MERTK: variants seen among roughly 807,000 people sequenced by gnomAD.
The protein encoded by MERTK is tyrosine-protein kinase Mer.
A neutral mutation model predicts 99.3 loss-of-function variants in MERTK; 69 were observed. The observed-to-expected ratio is 0.70, with a 90% confidence interval of 0.57 to 0.85. The LOEUF (loss-of-function observed/expected upper bound fraction) is 0.85. Ranked by LOEUF, MERTK falls within the 40% of genes least tolerant of loss-of-function variation. MERTK has a pLI of 0.00. For synonymous variants in MERTK, 426 were observed against 467.6 expected (o/e 0.91, Z 1.15); for missense variants, 1,125 against 1,249.4 (o/e 0.90, Z 1.50).
chr2:111,913,646 C>T (rs1684292201), intron 1 of MERTK, among the ~76,000 whole-genome samples: 2 of 152,182 alleles, frequency 1.3e-5, no homozygotes, highest in Admixed American at 6.5e-5. Context: ...AGGGCTCAAG[C>T]GATTCTTGTG....
At chr2:112,018,602 G>T (rs535663763) in intron 15 of MERTK, among the ~76,000 whole-genome samples, 1 of 152,274 alleles carries the variant, frequency 6.6e-6, no homozygotes, top group East Asian at 1.9e-4. Context: ...GTACATAATG[G>T]ATGGACCCAT....
intron 7 of MERTK, among the ~76,000 whole-genome samples, chr2:111,975,991 G>A (rs1676239649): frequency 6.6e-6 from 1 of 151,244 alleles, no homozygotes; most frequent in African/African-American, 2.4e-5. Context: ...TCACAAGTCT[G>A]GGCCTCTGGA....
At chr2:111,954,701 T>C (rs1006821605) in intron 4 of MERTK, among the ~76,000 whole-genome samples, 3 of 152,180 alleles carry the variant, frequency 2.0e-5, no homozygotes, top group Non-Finnish European at 4.4e-5. Flanking sequence ...CAGCTGGTCC[T>C]GTAAAATTAA....
At chr2:111,974,675 A>T (rs1227741371) in intron 6 of MERTK, among the ~76,000 whole-genome samples, 1 of 144,392 alleles carries the variant, frequency 6.9e-6, no homozygotes, top group Non-Finnish European at 1.5e-5. Flanking sequence ...AGACTGAGGC[A>T]GGAGAATTGC....
chr2:111,990,664 T>A (rs943527860), intron 8 of MERTK, among the ~76,000 whole-genome samples: 18 of 152,180 alleles, frequency 1.2e-4, no homozygotes, highest in African/African-American at 3.4e-4. Context: ...TGTTTCAGAT[T>A]GTGGATTCTT....
At chr2:111,923,082 G>A (rs1216995518) in intron 1 of MERTK, among the ~76,000 whole-genome samples, 3 of 152,116 alleles carry the variant, frequency 2.0e-5, no homozygotes, top group East Asian at 1.9e-4. Flanking sequence ...TCTCTTCCCT[G>A]CTCACCCTTC....
At chr2:111,935,844 A>G (rs1031085594) in intron 2 of MERTK, among the ~76,000 whole-genome samples, 5 of 152,150 alleles carry the variant, frequency 3.3e-5, no homozygotes, top group African/African-American at 1.2e-4. Context: ...CTTTTATTGC[A>G]TAGATGATTA....
chr2:111,944,614 C>T (rs112977309), intron 2 of MERTK, among the ~76,000 whole-genome samples: 518 of 2,956 alleles, frequency 0.18, 3 homozygotes, highest in African/African-American at 0.21. Flanking sequence ...ATGTTGCAGT[C>T]TTGAGTCCTC....
intron 8 of MERTK, among the ~76,000 whole-genome samples, chr2:111,993,906 G>A (rs935668973): frequency 1.3e-5 from 2 of 152,186 alleles, no homozygotes; most frequent in Non-Finnish European, 2.9e-5. Flanking sequence ...ATTGTGCTGT[G>A]GGTGGTTCTG....
rs1573629517 is a variant in MERTK, at chr2:111,997,493, A to G, written c.1604+17A>G. 1 of 1,612,278 alleles carries G rather than the reference A, an allele frequency of 6.2e-7. No individual in the cohort carries two copies. The highest frequency in any genetic ancestry group is 8.5e-7 in the Non-Finnish European group (1 of 1,179,930). On this transcript the variant is annotated intron_variant, in intron 10 of 18. Coordinates refer to ENST00000295408, the MANE Select transcript of MERTK (RefSeq NM_006343.3). ...AAAGTTTGGGTAAGTCTCCCAGCTA[A>G]AAATGTTTGCCCACTGGTATTGACA...
intron 16 of MERTK, among the ~76,000 whole-genome samples, chr2:112,020,441 G>A (rs1475346901): frequency 6.6e-6 from 1 of 152,096 alleles, no homozygotes; most frequent in East Asian, 1.9e-4. Context: ...AGCAAACAGG[G>A]ACAAGTTAGT....
chr2:111,942,052 C>T (rs899654957), intron 2 of MERTK, among the ~76,000 whole-genome samples: 3 of 151,754 alleles, frequency 2.0e-5, no homozygotes, highest in African/African-American at 7.3e-5. Flanking sequence ...TCCCCTCAGG[C>T]TGCCTTCCTG....
At chr2:111,944,831 G>A (rs1684935756) in intron 2 of MERTK, 129 bp from the exon 3 acceptor site, 2 of 783,750 alleles carry the variant, frequency 2.6e-6, no homozygotes, top group Non-Finnish European at 4.3e-6. Flanking sequence ...TGCGTACAAT[G>A]GCCTAGCCAA....
intron 15 of MERTK, chr2:112,013,253 C>G (rs1677145397): frequency 1.3e-5 from 2 of 154,224 alleles, no homozygotes; most frequent in Non-Finnish European, 2.9e-5. Context: ...ATCACCGAGA[C>G]TCTTCCAAAG....
intron 1 of MERTK, 33 bp from the exon 2 acceptor site, chr2:111,929,086 TA>T (rs1457982831): frequency 9.9e-6 from 16 of 1,613,784 alleles, no homozygotes; most frequent in Non-Finnish European, 1.3e-5. Flanking sequence ...TCTTCTTATT[TA>T]AAAGGCTAAA....
chr2:111,944,524 T>G (rs1684925073), intron 2 of MERTK, among the ~76,000 whole-genome samples: 3 of 152,364 alleles, frequency 2.0e-5, no homozygotes, highest in Non-Finnish European at 4.4e-5. Flanking sequence ...TCCTCTGTTT[T>G]AAGGAATTAG....
intron 2 of MERTK, among the ~76,000 whole-genome samples, chr2:111,939,576 G>C (rs1684823368): frequency 6.6e-6 from 1 of 151,424 alleles, no homozygotes; most frequent in Non-Finnish European, 1.5e-5. Flanking sequence ...AAATTCTTGG[G>C]CTTAAACAAT....
intron 1 of MERTK, among the ~76,000 whole-genome samples, chr2:111,924,018 A>G (rs1684511539): frequency 1.3e-5 from 2 of 152,066 alleles, no homozygotes; most frequent in African/African-American, 4.8e-5. Flanking sequence ...TGCATTGCAC[A>G]GCTCTAGAGA....
rs569159836 is a variant in MERTK at position 111,992,191 on chromosome 2, G to A, written c.1297-2060G>A. Reference sequence around the variant, plus strand: ...GGCCAAGAAGAATCTGAACAGATAGGTCTTGTTGGGTTTCCTCGCTCAGTC... The same window carrying A: ...GGCCAAGAAGAATCTGAACAGATAGATCTTGTTGGGTTTCCTCGCTCAGTC... On this transcript the variant is annotated intron_variant, in intron 8 of 18. Transcript: ENST00000295408. Among the ~76,000 whole-genome samples the A allele has an allele frequency of 9.9e-5, 15 of 152,262 alleles. No homozygotes were observed. The South Asian group carries it at 1.5e-3, about 15-fold the overall frequency.
Sources: allele counts gnomAD v4.1 joint callset (sites outside exome capture counted in the v4.1 genomes callset), GRCh38; gene constraint gnomAD v4.1.1; transcripts MANE v1.5; gene names NCBI Gene and HGNC (gene_info 2026-07-23, HGNC 2026-07-21).